The following PTPRD variants were observed in gnomAD, a reference collection of about 807,000 sequenced individuals.
PTPRD encodes the protein protein tyrosine phosphatase receptor type D.
Under a neutral mutation model 214.5 loss-of-function variants are expected in PTPRD, and 34 were observed. The ratio of observed to expected loss-of-function variants is 0.16; its 90% CI spans 0.12 to 0.21. PTPRD has a LOEUF of 0.21. Ranked by LOEUF, PTPRD falls within the 10% of genes least tolerant of loss-of-function variation. The pLI is 1.00. For synonymous variants in PTPRD, 1,128 were observed against 845.7 expected, an observed-to-expected ratio of 1.33 and a Z score of -5.79; for missense variants, 2,545 against 2,398.7, an observed-to-expected ratio of 1.06 and a Z score of -1.27.
chr9:8,646,641 GA>G (rs1412760184), intron 12 of PTPRD, among the ~76,000 whole-genome samples: 24 of 152,218 alleles, frequency 1.6e-4, no homozygotes, highest in Non-Finnish European at 2.6e-4. Flanking sequence ...CCATCTAGAT[GA>G]AATGTACCAT....
intron 2 of PTPRD, among the ~76,000 whole-genome samples, chr9:10,575,161 C>T (rs1923442): frequency 0.18 from 27,504 of 151,846 alleles, 2,816 homozygotes; most frequent in South Asian, 0.25. Flanking sequence ...AATTATTTGA[C>T]ACTGTAGACA....
intron 8 of PTPRD, among the ~76,000 whole-genome samples, chr9:9,510,561 A>G (rs1215198276): frequency 6.6e-6 from 1 of 151,562 alleles, no homozygotes; most frequent in African/African-American, 2.4e-5. Flanking sequence ...TTCAGTCTCA[A>G]AAAGAATGCT....
Position 9,898,357 on chromosome 9 carries a change from A to G in PTPRD, c.-368+40150T>C, listed in dbSNP as rs142046027. On this transcript the variant is annotated intron_variant, in intron 5 of 45. Transcript: ENST00000381196. ...AGATAGATTTTAATTAGCTGTTTACATACATGGTAATGATGCCTTGATATT... is the reference window on the plus strand; with the variant it reads ...AGATAGATTTTAATTAGCTGTTTACGTACATGGTAATGATGCCTTGATATT... 2.0e-5 allele frequency among the ~76,000 whole-genome samples: 3 copies of G among 152,224 alleles called. No homozygotes were observed. In the East Asian group the frequency reaches 5.8e-4, roughly 29 times the overall value.
chr9:10,211,908 T>C (rs1412380455), intron 3 of PTPRD, among the ~76,000 whole-genome samples: 1 of 152,168 alleles, frequency 6.6e-6, no homozygotes, highest in African/African-American at 2.4e-5. Context: ...CTATGCAATA[T>C]GCTCATGTAA....
chr9:8,609,500 A>C (rs1224245493), intron 14 of PTPRD, among the ~76,000 whole-genome samples: 1 of 152,236 alleles, frequency 6.6e-6, no homozygotes, highest in Non-Finnish European at 1.5e-5. Context: ...CAAGTATGTA[A>C]CTGGATGCCT....
chr9:10,186,556 C>T (rs966824540), intron 3 of PTPRD, among the ~76,000 whole-genome samples: 1 of 152,018 alleles, frequency 6.6e-6, no homozygotes, highest in African/African-American at 2.4e-5. Context: ...TAACACTGAA[C>T]CATTTCCAGT....
chr9:9,181,274 T>C (rs2099928047), intron 10 of PTPRD, among the ~76,000 whole-genome samples: 1 of 152,038 alleles, frequency 6.6e-6, no homozygotes, highest in South Asian at 2.1e-4. Flanking sequence ...TTATGGTATC[T>C]TGTTTTCGTT....
At chr9:9,548,019 A>C (rs2079218588) in intron 8 of PTPRD, among the ~76,000 whole-genome samples, 1 of 152,096 alleles carries the variant, frequency 6.6e-6, no homozygotes, top group African/African-American at 2.4e-5. Flanking sequence ...TGAAAGTGTA[A>C]AGAAAAACAC....
chr9:8,565,763 G>T (rs1488527215), intron 14 of PTPRD, among the ~76,000 whole-genome samples: 2 of 152,120 alleles, frequency 1.3e-5, no homozygotes, highest in African/African-American at 4.8e-5. Context: ...TAATTGTTCT[G>T]CATAGTTTAT....
At chr9:10,322,893 T>C (rs1215316815) in intron 3 of PTPRD, among the ~76,000 whole-genome samples, 2 of 152,142 alleles carry the variant, frequency 1.3e-5, no homozygotes, top group East Asian at 2.0e-4. Flanking sequence ...TGATCTGTGT[T>C]ACCTAGGGAA....
In PTPRD at chr9:8,500,821, C is replaced by G. The variant is rs200840097; in HGVS notation, c.2061G>C (p.Val687=). 6.2e-7 allele frequency: 1 copy of G among 1,614,132 alleles called. No individual in the cohort carries two copies. Among genetic ancestry groups the G allele is most frequent in the Non-Finnish European group, 8.5e-7 (1 of 1,180,010 alleles). The change falls in exon 24 of 46, where the codon GTG becomes GTC. Residue 687 remains valine (V), a synonymous_variant. Transcript: ENST00000381196. ...CAGGGCCGACATCTGTATGGGCTGT[C>G]ACAGTGATCCGGTATTCAGTCCATT... is the stretch of plus-strand genomic sequence containing the variant. The part of the protein sequence containing the change: ...LEKWTEYRIT[V]TAHTDVGPGP...
chr9:10,310,013 G>C (rs2096223561), intron 3 of PTPRD, among the ~76,000 whole-genome samples: 1 of 151,904 alleles, frequency 6.6e-6, no homozygotes, highest in African/African-American at 2.4e-5. Context: ...GAGATAACTG[G>C]AGATCCCCTG....
At chr9:9,700,720 A>G (rs1365879630) in intron 7 of PTPRD, among the ~76,000 whole-genome samples, 1 of 152,050 alleles carries the variant, frequency 6.6e-6, no homozygotes, top group African/African-American at 2.4e-5. Flanking sequence ...TATAACCATT[A>G]TCATTATTAT....
chr9:10,406,539 A>C (rs953517520), intron 2 of PTPRD, among the ~76,000 whole-genome samples: 1 of 151,572 alleles, frequency 6.6e-6, no homozygotes, highest in Non-Finnish European at 1.5e-5. Flanking sequence ...AGCAAGCATC[A>C]CCTGTTCTAC....
At chr9:9,959,210 C>T (rs527278790) in intron 4 of PTPRD, among the ~76,000 whole-genome samples, 8 of 152,132 alleles carry the variant, frequency 5.3e-5, no homozygotes, top group East Asian at 1.9e-4. Flanking sequence ...TTAAATGCAC[C>T]TTTGATGGCT....
intron 2 of PTPRD, among the ~76,000 whole-genome samples, chr9:10,528,713 C>T (rs2134540418): frequency 6.6e-6 from 1 of 152,110 alleles, no homozygotes; most frequent in East Asian, 1.9e-4. Context: ...ATATAGCTTG[C>T]TTGTATAATC....
At chr9:8,822,554 C>T (rs1398947789) in intron 11 of PTPRD, among the ~76,000 whole-genome samples, 2 of 152,132 alleles carry the variant, frequency 1.3e-5, no homozygotes, top group Non-Finnish European at 2.9e-5. Flanking sequence ...AACGCTACCA[C>T]AGGAGAAGGG....
At chr9:9,055,846 T>C (rs1338531525) in intron 10 of PTPRD, among the ~76,000 whole-genome samples, 1 of 150,506 alleles carries the variant, frequency 6.6e-6, no homozygotes, top group East Asian at 1.9e-4. Flanking sequence ...TTATGTATTA[T>C]ATAAAATACA....
At chr9:8,333,965 A>G (rs1004440335) in intron 43 of PTPRD, among the ~76,000 whole-genome samples, 1 of 152,220 alleles carries the variant, frequency 6.6e-6, no homozygotes, top group African/African-American at 2.4e-5. Flanking sequence ...AAAGGGATCA[A>G]TGAACGAAGA....
Sources: gnomAD v4.1 joint callset for allele counts (sites outside exome capture counted in the v4.1 genomes callset) on GRCh38, gnomAD v4.1.1 for gene constraint, MANE v1.5 for transcripts, NCBI Gene and HGNC (gene_info 2026-07-23, HGNC 2026-07-21) for gene names.